APOL4: variants seen among roughly 807,000 people sequenced by gnomAD.
APOL4 encodes apolipoprotein L, 4.
In APOL4, 14 loss-of-function variants were observed where a neutral mutation model predicts 12.1. The observed-to-expected ratio is 1.16, with a 90% CI of 0.76 to 1.81. The LOEUF is 1.81. Among genes scored for constraint, APOL4 ranks in the 40% most tolerant of loss-of-function variants. The probability of loss-of-function intolerance (pLI) is 0.00; values close to 1 mark genes in which losing one functional copy is unlikely to be tolerated. For synonymous variants in APOL4, 171 were observed against 160.6 expected (o/e 1.06, Z -0.49); for missense variants, 432 against 423.1 (o/e 1.02, Z -0.18).
At chr22:36,193,810 G>A (rs1464846280) in intron 3 of APOL4, among the ~76,000 whole-genome samples, 1 of 152,144 alleles carries the variant, frequency 6.6e-6, no homozygotes, top group Non-Finnish European at 1.5e-5. Context: ...TGCCACCTAT[G>A]ACTGAAAAGT....
chr22:36,191,544 T>C lies in APOL4; in HGVS notation c.578A>G (p.Tyr193Cys), dbSNP rs1254072592. ...GIASSIVENT[Y>C]TRSAELTASR... ...GGCTGTGAGTTCTGCTGACCTTGTG[T>C]ATGTGTTCTCCACGATGCTGGAGGC... is the stretch of plus-strand genomic sequence containing the variant. The change falls in exon 4 of 4, where the codon TAC becomes TGC. Residue 193 changes from tyrosine to cysteine, a missense_variant. Coordinates refer to ENST00000683024, the MANE Select transcript of APOL4 (RefSeq NM_001386885.1). 3 of 1,613,892 alleles carry C rather than the reference T, an allele frequency of 1.9e-6. No individual in the cohort carries two copies. The highest frequency in any genetic ancestry group is 2.5e-6 in the Non-Finnish European group (3 of 1,179,894).
intron 2 of APOL4, 52 bp from the exon 3 acceptor site, chr22:36,195,489 A>G: frequency 1.3e-6 from 2 of 1,592,790 alleles, no homozygotes; most frequent in East Asian, 2.2e-5. Flanking sequence ...TACCACATAA[A>G]TGGCATTGAG....
At position 36,197,607 on chromosome 22, in the gene APOL4, A is replaced by G. The variant is rs201572032; in HGVS notation, c.82+1723T>C. ...ACCCCCCATGAAACTGCAAGCTATG[A>G]ATCTGAACTGGGGTCATATCAGATG... On this transcript the variant is annotated intron_variant, in intron 2 of 3. Coordinates refer to ENST00000683024, the MANE Select transcript of APOL4 (RefSeq NM_001386885.1). 270 of 1,504,598 alleles carry G rather than the reference A, an allele frequency of 1.8e-4. No individual in the cohort carries two copies. The East Asian group carries it at 6.0e-3, about 34-fold the overall frequency. 93.2% of individuals were successfully genotyped at this position (1,504,598 alleles called of 1,614,324 possible).
At chr22:36,202,879 G>C (rs2014627769), upstream of APOL4, among the ~76,000 whole-genome samples, 1 of 152,172 alleles carries the variant, frequency 6.6e-6, no homozygotes, top group Non-Finnish European at 1.5e-5. Context: ...CTTGCCCAGA[G>C]TCGCACAGCT....
At chr22:36,191,976 A>G (rs1466836839) in intron 3 of APOL4, 64 bp from the exon 4 acceptor site, 16 of 1,323,804 alleles carry the variant, frequency 1.2e-5, no homozygotes, top group Middle Eastern at 1.9e-4. Context: ...TGAGCTCAAT[A>G]AGATCTATTC....
chr22:36,195,210 G>A, intron 3 of APOL4, 101 bp downstream of exon 3: 1 of 1,443,922 alleles, frequency 6.9e-7, no homozygotes, highest in Non-Finnish European at 9.3e-7. Flanking sequence ...CCCAGCAGAG[G>A]GGGCTGCCTG....
chr22:36,195,774 T>TCACA (rs1377669888), intron 2 of APOL4, among the ~76,000 whole-genome samples: 157 of 65,996 alleles, frequency 2.4e-3, no homozygotes, highest in Middle Eastern at 0.019. Flanking sequence ...TCTCTCTCTC[T>TCACA]CTCACACACA....
Position 36,191,118 on chromosome 22 carries a change from A to C in APOL4, c.1004T>G (p.Leu335Arg). The C allele has an allele frequency of 6.2e-7, 1 of 1,610,288 alleles. No homozygotes were observed. The highest frequency in any genetic ancestry group is 8.5e-7 in the Non-Finnish European group (1 of 1,178,166). ...RQWAQELEEN[L>R]NELTHIHQSL... Reference sequence around the variant, plus strand: ...CTGATGGATATGGGTGAGCTCATTGAGATTCTCCTCCAGCTCCTGAGCCCA... The same window carrying C: ...CTGATGGATATGGGTGAGCTCATTGCGATTCTCCTCCAGCTCCTGAGCCCA... Residue 335 changes from leucine to arginine, a missense_variant, in exon 4 of 4, where the codon CTC becomes CGC. Coordinates refer to ENST00000683024, the MANE Select transcript of APOL4 (RefSeq NM_001386885.1).
intron 2 of APOL4, chr22:36,197,844 A>G: frequency 6.5e-7 from 1 of 1,544,548 alleles, no homozygotes; most frequent in Non-Finnish European, 8.7e-7. Context: ...GACAAACAGG[A>G]AGTGGCCAAT....
chr22:36,200,064 C>T (rs1400345944), intron 1 of APOL4, among the ~76,000 whole-genome samples: 3 of 151,188 alleles, frequency 2.0e-5, no homozygotes, highest in Non-Finnish European at 1.5e-5. Context: ...GTCTCGGCCT[C>T]CCAAAGTGCT....
Position 36,195,542 on chromosome 22 carries a change from A to C in APOL4, c.83-105T>G, listed in dbSNP as rs558321209. On this transcript the variant is annotated intron_variant, in intron 2 of 3. Transcript: ENST00000683024. ...TTAATCCTCCTGAACCAGCTGTCAC[A>C]TGGGGTATTTTTGATGGAGGCACCA... 100 of 1,354,482 alleles carry C rather than the reference A, an allele frequency of 7.4e-5. No homozygotes were observed. In the African/African-American group the frequency reaches 1.3e-3, roughly 18 times the overall value. 83.9% of individuals were successfully genotyped at this position (1,354,482 alleles called of 1,614,324 possible).
intron 1 of APOL4, chr22:36,201,480 A>G: frequency 1.1e-6 from 1 of 914,764 alleles, no homozygotes; most frequent in Non-Finnish European, 1.5e-6. Context: ...AGTCCTGGGC[A>G]GCATTCACCA....
chr22:36,204,372 C>A (rs981633820), upstream of APOL4, among the ~76,000 whole-genome samples: 6 of 152,158 alleles, frequency 3.9e-5, no homozygotes, highest in Non-Finnish European at 7.4e-5. Context: ...TAAAACAGAG[C>A]TGAGCCCAGA....
At position 36,195,960 on chromosome 22, in the gene APOL4, A is replaced by G. The variant is rs116681097; in HGVS notation, c.83-523T>C. 8.3e-3 allele frequency among the ~76,000 whole-genome samples: 1,260 copies of G among 152,114 alleles called. 22 individuals are homozygous for G. Among genetic ancestry groups the G allele is most frequent in the African/African-American group, 0.029 (1,202 of 41,464 alleles). ...CTGTGAGAAAATACGTCAGTTGTTG[A>G]AGCCACCCAGCTTGTGGCATTTTAC... On this transcript the variant is annotated intron_variant, in intron 2 of 3. Coordinates refer to ENST00000683024, the MANE Select transcript of APOL4 (RefSeq NM_001386885.1).
upstream of APOL4, chr22:36,201,847 C>T (rs771693923): frequency 1.8e-5 from 29 of 1,573,592 alleles, no homozygotes; most frequent in Middle Eastern, 1.7e-4. Flanking sequence ...CCCCTCTAGG[C>T]GAGTCTACCA....
chr22:36,199,283 G>A (rs2146946286), intron 2 of APOL4, 47 bp downstream of exon 2: 3 of 1,611,700 alleles, frequency 1.9e-6, no homozygotes, highest in Non-Finnish European at 2.5e-6. Context: ...AACCAGCCAG[G>A]GAAGAGGAGG....
Position 36,197,609 on chromosome 22 carries a change from T to A in APOL4, c.82+1721A>T, listed in dbSNP as rs1017992030. 8.6e-6 allele frequency: 13 copies of A among 1,503,282 alleles called. No homozygotes were observed. The South Asian group carries it at 1.7e-4, about 20-fold the overall frequency. 93.1% of individuals were successfully genotyped at this position (1,503,282 alleles called of 1,614,324 possible). ...CCCCCATGAAACTGCAAGCTATGAA[T>A]CTGAACTGGGGTCATATCAGATGGG... On this transcript the variant is annotated intron_variant, in intron 2 of 3. Coordinates refer to ENST00000683024, the MANE Select transcript of APOL4 (RefSeq NM_001386885.1).
Position 36,193,873 on chromosome 22 carries a change from T to TGCCTCCTGACCTGGC in APOL4, c.209+1423_209+1437dup, listed in dbSNP as rs2014330860. The stretch of plus-strand genomic sequence containing the variant: ...CACACAAACTCTCAAGCCACCTTAC[T>TGCCTCCTGACCTGGC]GCCTCCTGACCTGGCACCTCCAAAC... On this transcript the variant is annotated intron_variant, in intron 3 of 3. Transcript: ENST00000683024. 2.0e-5 allele frequency among the ~76,000 whole-genome samples: 3 copies of TGCCTCCTGACCTGGC among 152,304 alleles called. No individual in the cohort carries two copies. The South Asian group carries it at 6.2e-4, about 32-fold the overall frequency.
In APOL4 at chr22:36,191,932, A is replaced by T. The variant is rs1462478578; in HGVS notation, c.210-20T>A. 1 of 1,546,660 alleles carries T rather than the reference A, an allele frequency of 6.5e-7. No individual in the cohort carries two copies. The highest frequency in any genetic ancestry group is 8.7e-7 in the Non-Finnish European group (1 of 1,152,798). ...TCTTCCCTGTACCAATAAAGGACAG[A>T]TGATTAAGAAAGGCAGCTTACTTAC... On this transcript the variant is annotated intron_variant, in intron 3 of 3. Transcript: ENST00000683024.
Sources: allele counts gnomAD v4.1 joint callset (sites outside exome capture counted in the v4.1 genomes callset), GRCh38; gene constraint gnomAD v4.1.1; transcripts MANE v1.5; gene names NCBI Gene and HGNC (gene_info 2026-07-23, HGNC 2026-07-21).